EPHA6: variants seen among roughly 807,000 people sequenced by gnomAD.
EPHA6 encodes the protein ephrin type-A receptor 6.
A neutral mutation model predicts 112.0 loss-of-function variants in EPHA6; 50 were observed. The observed-to-expected ratio is 0.45, with a 90% CI of 0.36 to 0.56. The LOEUF (loss-of-function observed/expected upper bound fraction) is 0.56. Ranked by LOEUF, EPHA6 falls within the 20% of genes least tolerant of loss-of-function variation. The probability of loss-of-function intolerance (pLI) is 0.00; values close to 1 mark genes in which losing one functional copy is unlikely to be tolerated. For missense variants in EPHA6, 1,280 were observed against 1,417.4 expected (o/e 0.90, Z 1.56); for synonymous variants, 529 against 490.7 (o/e 1.08, Z -1.03).
intron 3 of EPHA6, among the ~76,000 whole-genome samples, chr3:97,095,709 G>C (rs2047216215): frequency 6.6e-6 from 1 of 151,712 alleles, no homozygotes; most frequent in South Asian, 2.1e-4. Flanking sequence ...TATCCTTAGA[G>C]CAGTAGTTCA....
At chr3:96,883,423 G>T (rs150110452) in intron 2 of EPHA6, among the ~76,000 whole-genome samples, 30 of 152,178 alleles carry the variant, frequency 2.0e-4, no homozygotes, top group African/African-American at 7.2e-4. Flanking sequence ...GTTTAATTAG[G>T]TCCCAGCTAT....
chr3:97,128,872 C>CTTTTTTTTTTTTTTTTT (rs377407255), intron 3 of EPHA6, among the ~76,000 whole-genome samples: 1 of 117,530 alleles, frequency 8.5e-6, no homozygotes, highest in African/African-American at 3.3e-5. Flanking sequence ...ATTTTTATGT[C>CTTTTTTTTTTTTTTTTT]TTTTTTTTTT....
intron 3 of EPHA6, among the ~76,000 whole-genome samples, chr3:97,168,207 A>C (rs933630917): frequency 7.2e-5 from 11 of 152,174 alleles, no homozygotes; most frequent in African/African-American, 2.7e-4. Flanking sequence ...CTGTGACTGA[A>C]AATGTTATTT....
At chr3:97,532,592 T>A in intron 11 of EPHA6, 49 bp downstream of exon 11, 1 of 1,492,922 alleles carries the variant, frequency 6.7e-7, no homozygotes, top group Non-Finnish European at 9.0e-7. Flanking sequence ...CTATCTCAGT[T>A]TTTTTTTAAG....
intron 3 of EPHA6, among the ~76,000 whole-genome samples, chr3:97,068,617 C>G (rs1474772911): frequency 1.4e-5 from 2 of 143,234 alleles, no homozygotes; most frequent in Non-Finnish European, 3.0e-5. Context: ...TGTACACACT[C>G]ACACACACAC....
At chr3:97,187,401 C>A (rs1361814345) in intron 3 of EPHA6, among the ~76,000 whole-genome samples, 1 of 151,652 alleles carries the variant, frequency 6.6e-6, no homozygotes, top group African/African-American at 2.4e-5. Flanking sequence ...GAAACCCCAT[C>A]TCTACTAAAA....
At chr3:97,116,403 C>T (rs1389251327) in intron 3 of EPHA6, among the ~76,000 whole-genome samples, 2 of 151,592 alleles carry the variant, frequency 1.3e-5, no homozygotes, top group Non-Finnish European at 3.0e-5. Context: ...TTCAGGTATA[C>T]AATACAGTAT....
intron 10 of EPHA6, among the ~76,000 whole-genome samples, chr3:97,500,733 A>G (rs1311250325): frequency 1.3e-5 from 2 of 152,170 alleles, no homozygotes; most frequent in Non-Finnish European, 2.9e-5. Context: ...ATATACCTGA[A>G]TTAATTAATT....
At chr3:97,068,509 C>T (rs1458828017) in intron 3 of EPHA6, among the ~76,000 whole-genome samples, 12 of 152,006 alleles carry the variant, frequency 7.9e-5, no homozygotes. Context: ...TGCCTTTGTC[C>T]AGAGCACCTA....
chr3:97,491,744 C>G (rs1344138324), intron 10 of EPHA6, among the ~76,000 whole-genome samples: 8 of 151,708 alleles, frequency 5.3e-5, no homozygotes, highest in Admixed American at 5.3e-4. Flanking sequence ...CTACTTGCAT[C>G]ATACCCCTAA....
At chr3:96,990,054 T>A (rs575350401) in intron 3 of EPHA6, among the ~76,000 whole-genome samples, 2 of 152,322 alleles carry the variant, frequency 1.3e-5, no homozygotes, top group South Asian at 4.1e-4. Flanking sequence ...TTTTACCATA[T>A]TTTAAATTAG....
chr3:96,961,495 T>C (rs1245683625), intron 2 of EPHA6, among the ~76,000 whole-genome samples: 1 of 152,168 alleles, frequency 6.6e-6, no homozygotes, highest in Non-Finnish European at 1.5e-5. Context: ...GAGTTGGAGG[T>C]TGGCTAAATT....
At chr3:97,416,669 C>A (rs948243946) in intron 6 of EPHA6, among the ~76,000 whole-genome samples, 3 of 152,086 alleles carry the variant, frequency 2.0e-5, no homozygotes, top group Non-Finnish European at 4.4e-5. Flanking sequence ...ATATTTATTG[C>A]ACACCTACAT....
intron 2 of EPHA6, among the ~76,000 whole-genome samples, chr3:96,894,953 C>T (rs1337502956): frequency 6.6e-6 from 1 of 152,160 alleles, no homozygotes; most frequent in Non-Finnish European, 1.5e-5. Flanking sequence ...AAAAGGTTTT[C>T]ATTAATAGAG....
intron 1 of EPHA6, among the ~76,000 whole-genome samples, chr3:96,856,870 C>A (rs985320959): frequency 5.9e-5 from 9 of 152,106 alleles, no homozygotes; most frequent in African/African-American, 2.2e-4. Context: ...GTGAATAAGT[C>A]AATCTCATTT....
chr3:97,531,020 A>G (rs2092689226), intron 10 of EPHA6, among the ~76,000 whole-genome samples: 1 of 152,050 alleles, frequency 6.6e-6, no homozygotes, highest in South Asian at 2.1e-4. Context: ...GTGCTAATAG[A>G]CCAACTGAAG....
At chr3:97,462,086 T>C (rs1362013023) in intron 7 of EPHA6, among the ~76,000 whole-genome samples, 1 of 152,200 alleles carries the variant, frequency 6.6e-6, no homozygotes, top group African/African-American at 2.4e-5. Flanking sequence ...GGAATTGGAC[T>C]ATCTGTAAGT....
intron 1 of EPHA6, among the ~76,000 whole-genome samples, chr3:96,847,849 G>T (rs1486777732): frequency 7.9e-5 from 12 of 152,072 alleles, no homozygotes; most frequent in Non-Finnish European, 1.3e-4. Context: ...GAGTAGAAAG[G>T]ATCATGTTCA....
intron 9 of EPHA6, chr3:97,481,567 C>T (rs4296598): frequency 0.13 from 82,048 of 639,398 alleles, 7,514 homozygotes; most frequent in Admixed American, 0.33. Context: ...GCGGCGCGTC[C>T]GGCGCTGGGG....
Sources: gnomAD v4.1 joint callset for allele counts (sites outside exome capture counted in the v4.1 genomes callset) on GRCh38, gnomAD v4.1.1 for gene constraint, MANE v1.5 for transcripts, NCBI Gene and HGNC (gene_info 2026-07-23, HGNC 2026-07-21) for gene names.